Variants in CD1C observed in about 807,000 individuals in gnomAD.
CD1C encodes T-cell surface glycoprotein CD1c.
CD1C carries 47 observed loss-of-function variants against 39.4 expected under a neutral mutation model. The ratio of observed to expected loss-of-function variants is 1.19; its 90% confidence interval spans 0.94 to 1.52. The LOEUF is 1.52. Among genes scored for constraint, CD1C ranks in the 40% most tolerant of loss-of-function variants. CD1C has a pLI of 0.00. For missense variants in CD1C, 417 were observed against 395.2 expected (o/e 1.06, Z -0.47); for synonymous variants, 165 against 150.8 (o/e 1.09, Z -0.69).
chr1:158,292,515 G>C, intron 3 of CD1C, 81 bp from the exon 4 acceptor site: 1 of 1,510,814 alleles, frequency 6.6e-7, no homozygotes, highest in Non-Finnish European at 9.0e-7. Context: ...AGATAACTGT[G>C]CATATTCATG....
intron 2 of CD1C, 28 bp downstream of exon 2, chr1:158,291,428 G>A: frequency 6.2e-7 from 1 of 1,604,924 alleles, no homozygotes; most frequent in Non-Finnish European, 8.5e-7. Flanking sequence ...AATTATGGGA[G>A]TTCTTTAGAA....
At position 158,294,284 on chromosome 1, in the gene CD1C, TTATCTGAGA is replaced by T. The variant is rs1282557619; in HGVS notation, c.*811_*819del. ...AAGACAAATTTCCTAAAGGACTGTG[TTATCTGAGA>T]TAGCCTTGGCTAAACTTTAGTCCCT... On this transcript the variant is annotated 3_prime_UTR_variant, in exon 6 of 6. Transcript: ENST00000368170. 1.3e-5 allele frequency among the ~76,000 whole-genome samples: 2 copies of T among 152,364 alleles called. No individual in the cohort carries two copies. Among genetic ancestry groups the T allele is most frequent in the Non-Finnish European group, 2.9e-5 (2 of 68,030 alleles).
rs1651137738 is a variant in CD1C, at chr1:158,293,698, C to T, written c.*222C>T. The stretch of plus-strand genomic sequence containing the variant: ...TCAAAGCCCATTTCTGATGTCATTT[C>T]CTCCAACGATCTTCCTTGACCCATA... On this transcript the variant is annotated 3_prime_UTR_variant, in exon 6 of 6. Transcript: ENST00000368170. 19 of 1,074,960 alleles carry T rather than the reference C, an allele frequency of 1.8e-5. No individual in the cohort carries two copies. The highest frequency in any genetic ancestry group is 4.7e-5 in the African/African-American group (3 of 63,564). 66.6% of individuals were successfully genotyped at this position (1,074,960 alleles called of 1,614,324 possible). A position where few individuals can be genotyped will look rare whatever the true frequency, so the allele number is the denominator to read the frequency against.
At position 158,291,440 on chromosome 1, in the gene CD1C, G is replaced by A. The variant is rs745334766; in HGVS notation, c.328+40G>A. On this transcript the variant is annotated intron_variant, in intron 2 of 5. Coordinates refer to ENST00000368170, the MANE Select transcript of CD1C (RefSeq NM_001765.3). Reference sequence around the variant, plus strand: ...CTAAATTATGGGAGTTCTTTAGAATGTTCTATTTCAGGGAAATATTCTCTA... The same window carrying A: ...CTAAATTATGGGAGTTCTTTAGAATATTCTATTTCAGGGAAATATTCTCTA... 8.2e-6 allele frequency: 13 copies of A among 1,594,394 alleles called. No homozygotes were observed. The East Asian group carries it at 2.5e-4, about 30-fold the overall frequency.
chr1:158,290,103 C>T lies in CD1C; in HGVS notation c.39C>T (p.Leu13=). The T allele has an allele frequency of 1.2e-6, 2 of 1,613,932 alleles. No homozygotes were observed. Among genetic ancestry groups the T allele is most frequent in the Non-Finnish European group, 1.7e-6 (2 of 1,179,876 alleles). Residue 13 remains leucine, a synonymous_variant, in exon 1 of 6, where the codon CTC becomes CTT. Coordinates refer to ENST00000368170, the MANE Select transcript of CD1C (RefSeq NM_001765.3). ...FLQFLLLALL[L]PGGDNADASQ... ...AGTTTCTGCTGCTAGCTCTTCTTCT[C>T]CCAGGTGGTGACAATGCAGACGGTA...
At position 158,292,771 on chromosome 1, in the gene CD1C, G is replaced by T. The variant is rs768148459; in HGVS notation, c.786G>T (p.Trp262Cys). The T allele has an allele frequency of 1.9e-6, 3 of 1,614,184 alleles. No homozygotes were observed. The highest frequency in any genetic ancestry group is 1.7e-5 in the Admixed American group (1 of 60,032). ...GDILPNADGT[W>C]YLQVILEVAS... is the part of the protein sequence containing the mutation. ...TTCTTCCTAATGCTGATGGGACATGGTATCTTCAGGTGATCCTGGAGGTGG... is the reference window on the plus strand; with the variant it reads ...TTCTTCCTAATGCTGATGGGACATGTTATCTTCAGGTGATCCTGGAGGTGG... The change falls in exon 4 of 6, where the codon TGG becomes TGT. Residue 262 changes from tryptophan to cysteine, a missense_variant. By Grantham distance (215) the Trp-to-Cys change is radical (BLOSUM62 -2). Coordinates refer to ENST00000368170, the MANE Select transcript of CD1C (RefSeq NM_001765.3).
chr1:158,292,148 C>G lies in CD1C; in HGVS notation c.393C>G (p.Phe131Leu), dbSNP rs939843817. The G allele has an allele frequency of 6.2e-7, 1 of 1,614,060 alleles. No homozygotes were observed. The highest frequency in any genetic ancestry group is 1.3e-5 in the African/African-American group (1 of 74,918). ...ATTCTGGAAAGAGCCCAGAAGGCTT[C>G]TTTCAGGTAGCTTTCAACGGATTAG... ...ELHSGKSPEG[F>L]FQVAFNGLDL... The change falls in exon 3 of 6, where the codon TTC (phenylalanine) becomes TTG (leucine). Residue 131 changes from phenylalanine (F) to leucine (L), a missense_variant. Coordinates refer to ENST00000368170, the MANE Select transcript of CD1C (RefSeq NM_001765.3).
At chr1:158,293,111 G>A (rs776735137) in intron 4 of CD1C, 101 bp from the exon 5 acceptor site, 22 of 995,234 alleles carry the variant, frequency 2.2e-5, no homozygotes, top group Admixed American at 4.2e-5. Context: ...GATAACTGAT[G>A]CAACTCATCC....
At position 158,291,193 on chromosome 1, in the gene CD1C, T is replaced by C; in HGVS notation, c.121T>C (p.Trp41Arg). The change falls in exon 2 of 6, where the codon TGG becomes CGG. Residue 41 changes from tryptophan (W) to arginine (R), a missense_variant. Physicochemically the swap from Trp to Arg is moderately radical, Grantham distance 101 (BLOSUM62 -3). Coordinates refer to ENST00000368170, the MANE Select transcript of CD1C (RefSeq NM_001765.3). ...IQIFSFVNQS[W>R]ARGQGSGWLD... ...GATCTTCTCATTTGTCAACCAATCC[T>C]GGGCACGAGGTCAGGGCTCAGGATG... 1 of 1,613,954 alleles carries C rather than the reference T, an allele frequency of 6.2e-7. No individual in the cohort carries two copies. The highest frequency in any genetic ancestry group is 8.5e-7 in the Non-Finnish European group (1 of 1,179,990).
intron 3 of CD1C, 60 bp from the exon 4 acceptor site, chr1:158,292,536 T>G (rs180809448): frequency 9.6e-6 from 15 of 1,559,998 alleles, no homozygotes; most frequent in Admixed American, 1.7e-5. Flanking sequence ...TGGATGTGTG[T>G]ATGTGGATGT....
rs202155770 is a variant in CD1C, at chr1:158,290,095, C to T, written c.31C>T (p.Leu11Phe). Reference sequence around the variant, plus strand: ...GTTTCTGCAGTTTCTGCTGCTAGCTCTTCTTCTCCCAGGTGGTGACAATGC... The same window carrying T: ...GTTTCTGCAGTTTCTGCTGCTAGCTTTTCTTCTCCCAGGTGGTGACAATGC... MLFLQFLLLA[L>F]LLPGGDNADA... The change falls in exon 1 of 6, where the codon CTT (leucine) becomes TTT (phenylalanine). Residue 11 changes from leucine to phenylalanine, a missense_variant. Leu to Phe is a conservative substitution (Grantham distance 22, BLOSUM62 0). Transcript: ENST00000368170. 2.4e-5 allele frequency: 38 copies of T among 1,613,686 alleles called. No homozygotes were observed. The highest frequency in any genetic ancestry group is 2.6e-5 in the Non-Finnish European group (31 of 1,179,910).
In CD1C at chr1:158,291,404, A is replaced by G. The variant is rs764439789; in HGVS notation, c.328+4A>G. The stretch of plus-strand genomic sequence containing the variant: ...GCAAGTCAAGATTACTCGAAATGTA[A>G]GTTCAATCATCTAAATTATGGGAGT... On this transcript the variant is annotated splice_donor_region_variant and intron_variant, in intron 2 of 5. Transcript: ENST00000368170. 11 of 1,612,502 alleles carry G rather than the reference A, an allele frequency of 6.8e-6. No individual in the cohort carries two copies. The highest frequency in any genetic ancestry group is 3.3e-5 in the Admixed American group (2 of 59,966).
chr1:158,293,355 T>C, intron 5 of CD1C, 53 bp downstream of exon 5: 1 of 1,593,214 alleles, frequency 6.3e-7, no homozygotes, highest in Non-Finnish European at 8.6e-7. Flanking sequence ...TCACATTCCA[T>C]TTTTCACTCT....
At position 158,293,455 on chromosome 1, in the gene CD1C, C is replaced by T; in HGVS notation, c.981C>T (p.Cys327=). 6.2e-7 allele frequency: 1 copy of T among 1,613,986 alleles called. No individual in the cohort carries two copies. Among genetic ancestry groups the T allele is most frequent in the Non-Finnish European group, 8.5e-7 (1 of 1,179,948 alleles). The change falls in exon 6 of 6, where the codon TGC becomes TGT. Residue 327 remains cysteine, a splice_region_variant and synonymous_variant. Coordinates refer to ENST00000368170, the MANE Select transcript of CD1C (RefSeq NM_001765.3). ...IVLVLWFKKH[C]SYQDIL is the part of the protein sequence containing the mutation. ...TTCTCCCATTCCTGTTCCTTCACAG[C>T]TCATATCAGGACATCCTGTGAGACT...
In CD1C at chr1:158,293,594, A is replaced by C. The variant is rs1293872225; in HGVS notation, c.*118A>C. Reference sequence around the variant, plus strand: ...TAAATTGTTTCTCTTTCTGCATAATAAACATTTGTTAATAAAAACCAAATT... The same window carrying C: ...TAAATTGTTTCTCTTTCTGCATAATCAACATTTGTTAATAAAAACCAAATT... On this transcript the variant is annotated 3_prime_UTR_variant, in exon 6 of 6. Coordinates refer to ENST00000368170, the MANE Select transcript of CD1C (RefSeq NM_001765.3). 1 of 1,611,018 alleles carries C rather than the reference A, an allele frequency of 6.2e-7. No homozygotes were observed. Among genetic ancestry groups the C allele is most frequent in the East Asian group, 2.2e-5 (1 of 44,828 alleles).
In CD1C at chr1:158,291,222, G is replaced by A. The variant is rs1420370809; in HGVS notation, c.150G>A (p.Leu50=). Residue 50 remains leucine, a synonymous_variant, in exon 2 of 6, where the codon CTG becomes CTA. Coordinates refer to ENST00000368170, the MANE Select transcript of CD1C (RefSeq NM_001765.3). The part of the protein sequence containing the change: ...SWARGQGSGW[L]DELQTHGWDS... ...CACGAGGTCAGGGCTCAGGATGGCT[G>A]GACGAGTTGCAGACTCATGGCTGGG... The A allele has an allele frequency of 1.9e-6, 3 of 1,613,908 alleles. No homozygotes were observed. The highest frequency in any genetic ancestry group is 3.3e-5 in the Admixed American group (2 of 59,982).
chr1:158,290,141 T>C lies in CD1C; in HGVS notation c.61+16T>C. ...AATGCAGACGGTAAGAACATCGCTG[T>C]CAGCTGCAAGGTTACATGTATCTGG... On this transcript the variant is annotated intron_variant, in intron 1 of 5. Coordinates refer to ENST00000368170, the MANE Select transcript of CD1C (RefSeq NM_001765.3). 1 of 1,612,310 alleles carries C rather than the reference T, an allele frequency of 6.2e-7. No homozygotes were observed. The highest frequency in any genetic ancestry group is 1.1e-5 in the South Asian group (1 of 90,928).
chr1:158,292,848 G>A lies in CD1C; in HGVS notation c.863G>A (p.Gly288Glu). 2 of 1,614,166 alleles carry A rather than the reference G, an allele frequency of 1.2e-6. No homozygotes were observed. Among genetic ancestry groups the A allele is most frequent in the Non-Finnish European group, 8.5e-7 (1 of 1,180,018 alleles). The part of the protein sequence containing the change: ...LSCRVRHSSL[G>E]GQDIILYWGH... ...TGTCGAGTGAGACACAGCAGTCTAG[G>A]AGGCCAGGACATCATCCTCTACTGG... Residue 288 changes from glycine (G) to glutamate (E), a missense_variant, in exon 4 of 6, where the codon GGA becomes GAA. Transcript: ENST00000368170.
intron 2 of CD1C, 140 bp downstream of exon 2, chr1:158,291,540 C>G: frequency 1.2e-6 from 1 of 859,352 alleles, no homozygotes; most frequent in East Asian, 2.6e-5. Context: ...AAGGGATATT[C>G]CTGATGTTGA....
Sources: allele counts gnomAD v4.1 joint callset (sites outside exome capture counted in the v4.1 genomes callset), GRCh38; gene constraint gnomAD v4.1.1; transcripts MANE v1.5; gene names NCBI Gene and HGNC (gene_info 2026-07-23, HGNC 2026-07-21).